Variants in RBFOX1 observed in about 807,000 individuals in gnomAD.
The protein encoded by RBFOX1 is RNA binding protein fox-1 homolog 1.
A neutral mutation model predicts 57.7 loss-of-function variants in RBFOX1; 8 were observed. That is an observed-to-expected ratio of 0.14 (90% CI 0.08 to 0.25). RBFOX1 has a LOEUF of 0.25. Among genes scored for constraint, RBFOX1 ranks in the 10% least tolerant of loss-of-function variants. The pLI, the probability that RBFOX1 is intolerant of heterozygous loss-of-function variation, is 1.00. For synonymous variants in RBFOX1, 326 were observed against 222.4 expected, an observed-to-expected ratio of 1.47 and a Z score of -4.15; for missense variants, 611 against 548.5, an observed-to-expected ratio of 1.11 and a Z score of -1.14.
chr16:6,433,050 C>T (rs1237892909), intron 2 of RBFOX1, among the ~76,000 whole-genome samples: 3 of 152,130 alleles, frequency 2.0e-5, no homozygotes, highest in Non-Finnish European at 4.4e-5. Context: ...GAGATGCCAT[C>T]CTTCGGGCTG....
At chr16:7,543,874 C>G (rs1303149160) in intron 5 of RBFOX1, among the ~76,000 whole-genome samples, 1 of 123,774 alleles carries the variant, frequency 8.1e-6, no homozygotes, top group Non-Finnish European at 1.8e-5. Context: ...GCACGCACCA[C>G]CACGCCCAGC....
chr16:6,447,977 AGT>A (rs2153039135), intron 2 of RBFOX1, among the ~76,000 whole-genome samples: 1 of 100,452 alleles, frequency 1.0e-5, no homozygotes, highest in South Asian at 3.1e-4. Context: ...TTCAGACAAG[AGT>A]CTCTCTCTCT....
At chr16:6,655,504 A>G (rs897655891) in intron 3 of RBFOX1, among the ~76,000 whole-genome samples, 1 of 151,396 alleles carries the variant, frequency 6.6e-6, no homozygotes, top group African/African-American at 2.4e-5. Flanking sequence ...CATTTTCTAC[A>G]TATTTAGAGT....
chr16:6,255,596 C>T (rs902268418), intron 1 of RBFOX1, among the ~76,000 whole-genome samples: 1 of 152,026 alleles, frequency 6.6e-6, no homozygotes, highest in African/African-American at 2.4e-5. Context: ...ATAAGGTTAG[C>T]AATCATGTCA....
At chr16:5,760,566 A>G (rs1456902374) in intron 3 of RBFOX1, among the ~76,000 whole-genome samples, 1 of 152,154 alleles carries the variant, frequency 6.6e-6, no homozygotes, top group Non-Finnish European at 1.5e-5. Flanking sequence ...ACAGAACACT[A>G]TTTAGCCCTA....
Position 6,184,757 on chromosome 16 carries a change from C to T in RBFOX1, c.-126-132238C>T, listed in dbSNP as rs376558990. ...TTTTTTTTTGTATTTTTAGTAGAGA[C>T]GGGGTTTCGCCATGTTGGCCAGGAT... On this transcript the variant is annotated intron_variant, in intron 1 of 15. Transcript: ENST00000550418. 1.5e-3 allele frequency among the ~76,000 whole-genome samples: 224 copies of T among 150,714 alleles called. 1 individual carries two copies. Among genetic ancestry groups the T allele is most frequent in the African/African-American group, 5.2e-3 (212 of 40,986 alleles).
At chr16:7,149,550 A>T (rs567581773) in intron 4 of RBFOX1, among the ~76,000 whole-genome samples, 1 of 142,430 alleles carries the variant, frequency 7.0e-6, no homozygotes, top group African/African-American at 2.7e-5. Flanking sequence ...CAGTGGTGCA[A>T]TCTCAGCTCA....
At chr16:5,788,682 G>A (rs1419309282) in intron 3 of RBFOX1, among the ~76,000 whole-genome samples, 2 of 152,044 alleles carry the variant, frequency 1.3e-5, no homozygotes, top group Non-Finnish European at 2.9e-5. Flanking sequence ...AGCAAAGATA[G>A]GCCTTATTTA....
intron 4 of RBFOX1, among the ~76,000 whole-genome samples, chr16:7,082,476 G>A (rs949012446): frequency 6.6e-6 from 1 of 151,806 alleles, no homozygotes; most frequent in African/African-American, 2.4e-5. Flanking sequence ...CAGCTACTTG[G>A]GAGGCTGAGA....
chr16:7,368,398 A>G, intron 4 of RBFOX1, among the ~76,000 whole-genome samples: 1 of 152,158 alleles, frequency 6.6e-6, no homozygotes, highest in East Asian at 1.9e-4. Flanking sequence ...ACGTATTACC[A>G]GAAAACCAGC....
intron 3 of RBFOX1, among the ~76,000 whole-genome samples, chr16:5,818,053 G>C (rs1252316191): frequency 6.6e-6 from 1 of 152,162 alleles, no homozygotes; most frequent in African/African-American, 2.4e-5. Context: ...TCTTTGAACA[G>C]TTTTAAGCAG....
intron 1 of RBFOX1, among the ~76,000 whole-genome samples, chr16:5,326,296 T>C: frequency 6.6e-6 from 1 of 152,164 alleles, no homozygotes; most frequent in East Asian, 1.9e-4. Flanking sequence ...CGGATGTATG[T>C]GGGAGCCAGG....
intron 3 of RBFOX1, among the ~76,000 whole-genome samples, chr16:5,797,884 C>T (rs569052115): frequency 6.6e-6 from 1 of 152,160 alleles, no homozygotes; most frequent in Non-Finnish European, 1.5e-5. Flanking sequence ...AGGACAGGCT[C>T]TGGAAGGATG....
chr16:5,820,345 T>C (rs1266956491), intron 3 of RBFOX1, among the ~76,000 whole-genome samples: 1 of 152,156 alleles, frequency 6.6e-6, no homozygotes, highest in Non-Finnish European at 1.5e-5. Context: ...ACTGTCTTTA[T>C]ATAAATCCTG....
intron 3 of RBFOX1, among the ~76,000 whole-genome samples, chr16:5,634,892 T>C (rs80042858): frequency 0.017 from 2,606 of 152,326 alleles, 77 homozygotes; most frequent in African/African-American, 0.059. Flanking sequence ...CACAAGTGTT[T>C]ATATGTCTAT....
At chr16:6,553,282 A>G (rs1005341528) in intron 2 of RBFOX1, among the ~76,000 whole-genome samples, 2 of 152,362 alleles carry the variant, frequency 1.3e-5, no homozygotes, top group Admixed American at 6.5e-5. Flanking sequence ...CCACCGATTT[A>G]GAGCAGACAG....
At chr16:7,053,422 C>T (rs576810163) in intron 4 of RBFOX1, among the ~76,000 whole-genome samples, 61 of 152,226 alleles carry the variant, frequency 4.0e-4, no homozygotes, top group African/African-American at 1.4e-3. Flanking sequence ...ATTACTGGTT[C>T]ATCCTGTTAA....
At chr16:7,269,241 C>A (rs2095257749) in intron 4 of RBFOX1, among the ~76,000 whole-genome samples, 1 of 151,998 alleles carries the variant, frequency 6.6e-6, no homozygotes. Flanking sequence ...CTCAGTGCTT[C>A]CTGCTAGACA....
chr16:7,358,012 A>G (rs544184893), intron 4 of RBFOX1, among the ~76,000 whole-genome samples: 1 of 152,316 alleles, frequency 6.6e-6, no homozygotes, highest in Admixed American at 6.5e-5. Context: ...ATGTGGGCTA[A>G]TGACTAGTGC....
Sources: gnomAD v4.1 joint callset for allele counts (sites outside exome capture counted in the v4.1 genomes callset) on GRCh38, gnomAD v4.1.1 for gene constraint, MANE v1.5 for transcripts, NCBI Gene and HGNC (gene_info 2026-07-23, HGNC 2026-07-21) for gene names.